The following TTYH2 variants were observed in gnomAD, a reference collection of about 807,000 sequenced individuals.
The protein encoded by TTYH2 is protein tweety homolog 2.
In TTYH2, 49 loss-of-function variants were observed where a neutral mutation model predicts 68.3. The observed-to-expected ratio is 0.72, with a 90% CI of 0.57 to 0.91. TTYH2 has a LOEUF of 0.91. TTYH2 is among the 40% of genes least tolerant of loss of function. The probability of loss-of-function intolerance (pLI) is 0.00; values close to 1 mark genes in which losing one functional copy is unlikely to be tolerated. For synonymous variants in TTYH2, 272 were observed against 300.8 expected (o/e 0.90, Z 0.99); for missense variants, 631 against 700.4 (o/e 0.90, Z 1.12).
Position 74,215,712 on chromosome 17 carries a change from G to A in TTYH2, c.129+1996G>A. 1 of 1,535,652 alleles carries A rather than the reference G, an allele frequency of 6.5e-7. No homozygotes were observed. Among genetic ancestry groups the A allele is most frequent in the Non-Finnish European group, 8.7e-7 (1 of 1,146,870 alleles). On this transcript the variant is annotated intron_variant, in intron 1 of 13. Transcript: ENST00000269346. This position sits in a 1 kb window ranked among gnomAD's most constrained non-coding sequence, Gnocchi z 4.3. ...GTTATTTAAGGTGGCTCCTGTTTTT[G>A]GTAAGTTCCCCTGTTGTGACCACAG...
chr17:74,215,630 A>G lies in TTYH2; in HGVS notation c.129+1914A>G. 6.5e-7 allele frequency: 1 copy of G among 1,535,672 alleles called. No individual in the cohort carries two copies. Among genetic ancestry groups the G allele is most frequent in the African/African-American group, 1.4e-5 (1 of 73,178 alleles). On this transcript the variant is annotated intron_variant, in intron 1 of 13. Coordinates refer to ENST00000269346, the MANE Select transcript of TTYH2 (RefSeq NM_032646.6). This position sits in a 1 kb window ranked among gnomAD's most constrained non-coding sequence, Gnocchi z 4.3. ...CCCGCTCACCCCCTCACCACCACTC[A>G]GATCGCTGAGTAGGAGATGAGCGTG...
chr17:74,227,536 T>G (rs1229620544), intron 2 of TTYH2, among the ~76,000 whole-genome samples: 1 of 152,208 alleles, frequency 6.6e-6, no homozygotes, highest in Non-Finnish European at 1.5e-5. Flanking sequence ...ATTCATTTAA[T>G]GTATAAATAT....
At chr17:74,240,588 G>A (rs532985609) in intron 4 of TTYH2, among the ~76,000 whole-genome samples, 19 of 152,322 alleles carry the variant, frequency 1.2e-4, no homozygotes, top group African/African-American at 4.6e-4. Flanking sequence ...CTCCCCTGAA[G>A]GGCCCCTGTC....
chr17:74,257,535 ACTC>A (rs774988399), intron 13 of TTYH2, among the ~76,000 whole-genome samples: 15 of 151,768 alleles, frequency 9.9e-5, no homozygotes, highest in Non-Finnish European at 1.8e-4. Flanking sequence ...AGGTGGATAA[ACTC>A]CTCCCTCTGC....
intron 6 of TTYH2, among the ~76,000 whole-genome samples, chr17:74,245,430 C>G (rs2050547599): frequency 6.6e-6 from 1 of 152,212 alleles, no homozygotes; most frequent in Admixed American, 6.5e-5. Context: ...CCTCCAGGGC[C>G]CCATCCCGCT....
intron 5 of TTYH2, 133 bp downstream of exon 5, chr17:74,243,602 CCTCAGCA>C (rs1435582737): frequency 7.0e-6 from 6 of 861,932 alleles, no homozygotes; most frequent in South Asian, 1.5e-5. Flanking sequence ...TCTGCCCCGT[CCTCAGCA>C]CTCAGCAGAG....
chr17:74,256,023 CAT>C, intron 13 of TTYH2, among the ~76,000 whole-genome samples: 1 of 152,152 alleles, frequency 6.6e-6, no homozygotes, highest in Non-Finnish European at 1.5e-5. Context: ...TGGTGAAAAT[CAT>C]AGTGTCAGAC....
chr17:74,246,043 G>A (rs962863101), intron 6 of TTYH2, among the ~76,000 whole-genome samples: 8 of 152,328 alleles, frequency 5.3e-5, no homozygotes, highest in Admixed American at 1.3e-4. Flanking sequence ...TCAGCACTGC[G>A]AGTCAGGAGG....
chr17:74,234,234 TC>T (rs1278401597), intron 3 of TTYH2, among the ~76,000 whole-genome samples: 1 of 152,198 alleles, frequency 6.6e-6, no homozygotes, highest in Non-Finnish European at 1.5e-5. Flanking sequence ...ACGCCCCTAG[TC>T]CCGGGACCAC....
At chr17:74,221,224 C>G (rs536102441) in intron 1 of TTYH2, among the ~76,000 whole-genome samples, 1 of 152,350 alleles carries the variant, frequency 6.6e-6, no homozygotes, top group East Asian at 1.9e-4. Context: ...GCAGAGCAGT[C>G]CATGTCAGAG....
Position 74,248,704 on chromosome 17 carries a change from G to A in TTYH2, c.805-307G>A, listed in dbSNP as rs117615908. The A allele has an allele frequency of 9.0e-4, 1,149 of 1,279,358 alleles. 9 individuals are homozygous for A. The East Asian group carries it at 0.019, about 21-fold the overall frequency. The allele number at this position is 1,279,358 out of a possible 1,614,324, so 79.3% of individuals were successfully genotyped here. On this transcript the variant is annotated intron_variant, in intron 6 of 13. Coordinates refer to ENST00000269346, the MANE Select transcript of TTYH2 (RefSeq NM_032646.6). ...TCCCAGAAGAGGCATTCGGGAATAAGAGTAACAGCATGCGCTCTGCCCCAG... is the reference window on the plus strand; with the variant it reads ...TCCCAGAAGAGGCATTCGGGAATAAAAGTAACAGCATGCGCTCTGCCCCAG...
intron 4 of TTYH2, 28 bp downstream of exon 4, chr17:74,237,542 G>A: frequency 2.5e-6 from 4 of 1,575,348 alleles, no homozygotes; most frequent in Middle Eastern, 1.7e-4. Flanking sequence ...GGCAGAGGGA[G>A]GGGCAGCAGC....
intron 1 of TTYH2, among the ~76,000 whole-genome samples, chr17:74,219,289 T>C (rs1192632141): frequency 1.3e-5 from 2 of 150,148 alleles, no homozygotes; most frequent in African/African-American, 5.0e-5. Flanking sequence ...CTCAGGAGGC[T>C]GAGGCAGGAG....
Position 74,237,282 on chromosome 17 carries a change from G to GCT in TTYH2, c.415-10_415-9dup. On this transcript the variant is annotated splice_polypyrimidine_tract_variant and intron_variant, in intron 3 of 13. Coordinates refer to ENST00000269346, the MANE Select transcript of TTYH2 (RefSeq NM_032646.6). The stretch of plus-strand genomic sequence containing the variant: ...TCTACCTCCATGGCTTTTGCCCCCT[G>GCT]CTCCTCCCTAGGTTTCCGGAACTAC... 1 of 1,613,260 alleles carries GCT rather than the reference G, an allele frequency of 6.2e-7. No individual in the cohort carries two copies. The highest frequency in any genetic ancestry group is 2.2e-5 in the East Asian group (1 of 44,848).
rs370026137 is a variant in TTYH2 at position 74,237,434 on chromosome 17, C to T, written c.555C>T (p.Leu185=). The T allele has an allele frequency of 5.5e-5, 89 of 1,614,140 alleles. No homozygotes were observed. In the East Asian group the frequency reaches 8.7e-4, roughly 16 times the overall value. Residue 185 remains leucine, a synonymous_variant, in exon 4 of 14, where the codon CTC becomes CTT. Transcript: ENST00000269346. ...TGGCGGGCAGCGTTGTTGTTCAGCT[C>T]TCAGGACTGCCCGTGTGGAGGGAGG... is the stretch of plus-strand genomic sequence containing the variant. ...QQMAGSVVVQ[L]SGLPVWREVT...
chr17:74,246,007 C>T (rs989429567), intron 6 of TTYH2, among the ~76,000 whole-genome samples: 2 of 152,280 alleles, frequency 1.3e-5, no homozygotes, highest in South Asian at 2.1e-4. Flanking sequence ...CTCCAAGCTT[C>T]CAGGCCCTGG....
intron 4 of TTYH2, 63 bp from the exon 5 acceptor site, chr17:74,243,309 TCA>T: frequency 7.4e-7 from 1 of 1,359,116 alleles, no homozygotes; most frequent in South Asian, 1.2e-5. Context: ...TGCAGGCCTC[TCA>T]CGTGGCCAGC....
At position 74,213,864 on chromosome 17, in the gene TTYH2, T is replaced by C; in HGVS notation, c.129+148T>C. ...CTTTCCCGTCTCCCCTCTCCCCTTT[T>C]CCCCCACCCTCCCAGGCCCGTGGCC... On this transcript the variant is annotated intron_variant, in intron 1 of 13. Coordinates refer to ENST00000269346, the MANE Select transcript of TTYH2 (RefSeq NM_032646.6). The surrounding 1 kb of genome is among the most constrained non-coding windows in gnomAD (Gnocchi z 6.1). 2.8e-6 allele frequency: 3 copies of C among 1,063,128 alleles called. No homozygotes were observed. The highest frequency in any genetic ancestry group is 1.6e-5 in the South Asian group (1 of 61,356). The allele number at this position is 1,063,128 out of a possible 1,614,324, so 65.9% of individuals were successfully genotyped here.
At chr17:74,254,469 GC>G (rs1348723912) in intron 13 of TTYH2, among the ~76,000 whole-genome samples, 2 of 152,154 alleles carry the variant, frequency 1.3e-5, no homozygotes, top group Non-Finnish European at 2.9e-5. Context: ...CGCCCGGCCA[GC>G]TAATTGCCTT....
Sources: allele counts gnomAD v4.1 joint callset (sites outside exome capture counted in the v4.1 genomes callset), GRCh38; gene constraint gnomAD v4.1.1; non-coding constraint Gnocchi (gnomAD v3.1); transcripts MANE v1.5; gene names NCBI Gene and HGNC (gene_info 2026-07-23, HGNC 2026-07-21).